The following TRRAP variants were observed in gnomAD, a reference collection of about 807,000 sequenced individuals.
TRRAP encodes the protein transformation/transcription domain-associated protein.
In TRRAP, 41 loss-of-function variants were observed where a neutral mutation model predicts 438.8. That is an observed-to-expected ratio of 0.09 (90% CI 0.07 to 0.12). The LOEUF (loss-of-function observed/expected upper bound fraction) is 0.12. Among genes scored for constraint, TRRAP ranks in the 10% least tolerant of loss-of-function variants. The probability of loss-of-function intolerance (pLI) is 1.00; values close to 1 mark genes in which losing one functional copy is unlikely to be tolerated. For missense variants in TRRAP, 3,122 were observed against 5,055.1 expected (o/e 0.62, Z 11.60); for synonymous variants, 1,994 against 1,962.9 (o/e 1.02, Z -0.42).
intron 51 of TRRAP, among the ~76,000 whole-genome samples, chr7:98,968,243 T>A (rs1480170308): frequency 6.6e-6 from 1 of 152,166 alleles, no homozygotes; most frequent in Non-Finnish European, 1.5e-5. Flanking sequence ...GGTCACAAAC[T>A]CCCAAGCTCA....
chr7:99,008,607 T>C, intron 70 of TRRAP, 46 bp downstream of exon 70: 1 of 1,599,460 alleles, frequency 6.3e-7, no homozygotes, highest in South Asian at 1.1e-5. Flanking sequence ...CCTGCAGCCC[T>C]CCTGTGTGGG....
At chr7:98,887,593 G>A (rs1388464308) in intron 3 of TRRAP, among the ~76,000 whole-genome samples, 3 of 152,034 alleles carry the variant, frequency 2.0e-5, no homozygotes, top group East Asian at 3.9e-4. Context: ...TTAGCTGGTC[G>A]TGGTGGTGGG....
rs147400166 is a variant in TRRAP at position 98,969,157 on chromosome 7, G to T, written c.7513-955G>T. ...CTCCTACTGATAAGTTTTCTCTGTC[G>T]TTACAAAATTATTCTTAATAAAGCA... On this transcript the variant is annotated intron_variant, in intron 51 of 72. Transcript: ENST00000456197. Among the ~76,000 whole-genome samples the T allele has an allele frequency of 5.9e-5, 9 of 152,276 alleles. No homozygotes were observed. In the East Asian group the frequency reaches 1.7e-3, roughly 29 times the overall value.
At chr7:98,970,344 A>G (rs1280172021) in intron 52 of TRRAP, 53 bp downstream of exon 52, 2 of 1,575,094 alleles carry the variant, frequency 1.3e-6, no homozygotes, top group Non-Finnish European at 1.7e-6. Flanking sequence ...GAGGCCCCAC[A>G]CCCCACGGGC....
intron 67 of TRRAP, among the ~76,000 whole-genome samples, chr7:99,003,083 G>A (rs1465495841): frequency 6.6e-6 from 1 of 152,154 alleles, no homozygotes; most frequent in Non-Finnish European, 1.5e-5. Flanking sequence ...CCCTGGGGAC[G>A]GTGCCTCCTC....
rs782577705 is a variant in TRRAP at position 98,911,133 on chromosome 7, G to T, written c.1869G>T (p.Val623=). 2 of 1,614,058 alleles carry T rather than the reference G, an allele frequency of 1.2e-6. No individual in the cohort carries two copies. The highest frequency in any genetic ancestry group is 2.7e-5 in the African/African-American group (2 of 74,934). Residue 623 remains valine, a synonymous_variant, in exon 17 of 73, where the codon GTG becomes GTT. Coordinates refer to ENST00000456197, the MANE Select transcript of TRRAP (RefSeq NM_001375524.1). ...TYIRVANCQT[V]RMKEEKEVLE... ...TCCGTGTGGCCAACTGCCAGACTGT[G>T]AGAATGAAAGAGGAGAAGGAGGTAT...
rs936724130 is a variant in TRRAP, at chr7:98,961,362, C to T, written c.6591C>T (p.Phe2197=). ...AGTCCCCAGCCATCCTCAGTAGCTT[C>T]AAACCTCTGCAGCGTGGAATTGCCG... The part of the protein sequence containing the change: ...VLQSPAILSS[F]KPLQRGIAAC... Residue 2197 remains phenylalanine, a synonymous_variant, in exon 46 of 73, where the codon TTC becomes TTT. Transcript: ENST00000456197. The T allele has an allele frequency of 4.3e-6, 7 of 1,614,084 alleles. No individual in the cohort carries two copies. The highest frequency in any genetic ancestry group is 5.9e-6 in the Non-Finnish European group (7 of 1,180,050).
chr7:98,917,888 G>A (rs1261718638), intron 20 of TRRAP, among the ~76,000 whole-genome samples: 10 of 152,062 alleles, frequency 6.6e-5, no homozygotes, highest in East Asian at 1.9e-4. Flanking sequence ...TTGGGAGGCC[G>A]AGGAGGGTGG....
At chr7:98,973,385 C>T (rs936407406) in intron 53 of TRRAP, among the ~76,000 whole-genome samples, 1 of 152,202 alleles carries the variant, frequency 6.6e-6, no homozygotes, top group African/African-American at 2.4e-5. Flanking sequence ...CATCAGGTGC[C>T]TGGGCCTCAG....
At chr7:98,991,299 C>T (rs1006038886) in intron 64 of TRRAP, among the ~76,000 whole-genome samples, 8 of 152,178 alleles carry the variant, frequency 5.3e-5, no homozygotes, top group African/African-American at 1.7e-4. Context: ...CACGAAGCAC[C>T]GCAGGAGTCC....
At chr7:98,899,870 T>C (rs1796395349) in intron 10 of TRRAP, 103 bp downstream of exon 10, 1 of 1,337,390 alleles carries the variant, frequency 7.5e-7, no homozygotes, top group East Asian at 2.4e-5. Context: ...TGATAAAATT[T>C]TGGTAAAATT....
intron 30 of TRRAP, among the ~76,000 whole-genome samples, chr7:98,938,743 G>C (rs1554414891): frequency 6.6e-6 from 1 of 152,144 alleles, no homozygotes; most frequent in Non-Finnish European, 1.5e-5. Flanking sequence ...TATATACCAT[G>C]ATGCACTGAA....
intron 30 of TRRAP, 25 bp from the exon 31 acceptor site, chr7:98,942,924 G>T (rs1016831876): frequency 2.5e-6 from 4 of 1,613,976 alleles, no homozygotes; most frequent in Non-Finnish European, 3.4e-6. Flanking sequence ...GTGAAGTTGT[G>T]TCTCAGGATG....
At chr7:98,960,935 T>C (rs943272520) in intron 45 of TRRAP, among the ~76,000 whole-genome samples, 1 of 152,200 alleles carries the variant, frequency 6.6e-6, no homozygotes, top group Non-Finnish European at 1.5e-5. Context: ...ATTTGTATTT[T>C]TGTATCTTAA....
chr7:98,930,013 A>C lies in TRRAP; in HGVS notation c.3200A>C (p.Gln1067Pro). 1 of 1,614,142 alleles carries C rather than the reference A, an allele frequency of 6.2e-7. No homozygotes were observed. The highest frequency in any genetic ancestry group is 8.5e-7 in the Non-Finnish European group (1 of 1,180,024). ...GGCCCTTTCTTGCTGCCTTGCTACC[A>C]GGTGGGCAGCCAGCCCAGCACAGCC... ...QCGPFLLPCYQVGSQPSTAMF... is the reference protein window; with the variant it reads ...QCGPFLLPCYPVGSQPSTAMF... Residue 1067 changes from glutamine to proline, a missense_variant, in exon 24 of 73, where the codon CAG (glutamine) becomes CCG (proline). Around this residue, in one of 24 missense-constraint regions of TRRAP, gnomAD observed 54 missense variants for 74.6 expected, o/e 0.72. Transcript: ENST00000456197.
chr7:98,956,086 TG>T lies in TRRAP; in HGVS notation c.5938-59del. 1 of 1,565,624 alleles carries T rather than the reference TG, an allele frequency of 6.4e-7. No individual in the cohort carries two copies. Among genetic ancestry groups the T allele is most frequent in the Non-Finnish European group, 8.6e-7 (1 of 1,159,722 alleles). On this transcript the variant is annotated intron_variant, in intron 41 of 72. Transcript: ENST00000456197. This position sits in a 1 kb window ranked among gnomAD's most constrained non-coding sequence, Gnocchi z 4.5. Reference sequence around the variant, plus strand: ...GTGTGTGTGTGCACGTGCGCACACGTGCATGCACTGTGGGACCAAGCTCCCA... The same window carrying T: ...GTGTGTGTGTGCACGTGCGCACACGTCATGCACTGTGGGACCAAGCTCCCA...
intron 19 of TRRAP, among the ~76,000 whole-genome samples, chr7:98,916,420 T>C (rs543134138): frequency 6.6e-6 from 1 of 152,332 alleles, no homozygotes; most frequent in Admixed American, 6.5e-5. Flanking sequence ...TGAATGCTTT[T>C]GGGGTGTGTG....
At chr7:98,977,320 C>T (rs6963948) in intron 56 of TRRAP, among the ~76,000 whole-genome samples, 14,309 of 152,138 alleles carry the variant, frequency 0.094, 756 homozygotes, top group East Asian at 0.25. Flanking sequence ...CACCACCATG[C>T]CCAGCTAATC....
intron 1 of TRRAP, among the ~76,000 whole-genome samples, chr7:98,879,263 C>T (rs918095347): frequency 1.3e-5 from 2 of 152,132 alleles, no homozygotes; most frequent in South Asian, 2.1e-4. Context: ...AGAATGGGGG[C>T]GTTTCCCCCC....
Sources: allele counts gnomAD v4.1 joint callset (sites outside exome capture counted in the v4.1 genomes callset), GRCh38; gene constraint gnomAD v4.1.1; regional missense constraint gnomAD v4.1.1; non-coding constraint Gnocchi (gnomAD v3.1); transcripts MANE v1.5; gene names NCBI Gene and HGNC (gene_info 2026-07-23, HGNC 2026-07-21).